Variants in CPEB4 observed in about 807,000 individuals in gnomAD.
The protein encoded by CPEB4 is cytoplasmic polyadenylation element-binding protein 4.
CPEB4 carries 12 observed loss-of-function variants against 72.5 expected under a neutral mutation model. The ratio of observed to expected loss-of-function variants is 0.17; its 90% confidence interval spans 0.11 to 0.27. The LOEUF (loss-of-function observed/expected upper bound fraction) is 0.27, where lower values mean the gene tolerates loss of function less well. Ranked by LOEUF, CPEB4 falls within the 10% of genes least tolerant of loss-of-function variation. CPEB4 has a pLI of 1.00. For synonymous variants in CPEB4, 302 were observed against 326.3 expected (o/e 0.93, Z 0.80); for missense variants, 614 against 908.5 (o/e 0.68, Z 4.17).
In CPEB4 at chr5:173,961,093, C is replaced by T. The variant is rs1259230784; in HGVS notation, c.*4956C>T. 1 of 152,110 alleles carries T rather than the reference C, an allele frequency of 6.6e-6. No homozygotes were observed. The highest frequency in any genetic ancestry group is 1.5e-5 in the Non-Finnish European group (1 of 68,020). The allele number at this position is 152,110 out of a possible 1,614,324, so 9.4% of individuals were successfully genotyped here. On this transcript the variant is annotated 3_prime_UTR_variant, in exon 10 of 10. Transcript: ENST00000265085. ...GAGAAATGGACTATGAGATCTTTTG[C>T]GTCTAAGTTGTCTTTCCCAACAGGC...
chr5:173,911,689 T>G (rs1192810348), intron 2 of CPEB4, among the ~76,000 whole-genome samples: 9 of 151,232 alleles, frequency 6.0e-5, no homozygotes, highest in South Asian at 4.2e-4. Context: ...AGGTTTTTTT[T>G]TTTTTTTTTT....
Position 173,955,095 on chromosome 5 carries a change from C to T in CPEB4, c.1963-815C>T, listed in dbSNP as rs1031347054. ...TGGGTGGCACCAGTGCTGGTGACAG[C>T]CTGCTGTAAGGGAGTTTCAGCCATG... On this transcript the variant is annotated intron_variant, in intron 9 of 9. Transcript: ENST00000265085. This position sits in a 1 kb window ranked among gnomAD's most constrained non-coding sequence, Gnocchi z 4.7. Among the ~76,000 whole-genome samples, 2 of 152,178 alleles carry T rather than the reference C, an allele frequency of 1.3e-5. No individual in the cohort carries two copies. Among genetic ancestry groups the T allele is most frequent in the African/African-American group, 4.8e-5 (2 of 41,438 alleles).
In CPEB4 at chr5:173,888,535, A is replaced by AGCGGCGACG. The variant is rs1251365661; in HGVS notation, c.-1187_-1179dup. The AGCGGCGACG allele has an allele frequency of 3.5e-5, 14 of 403,836 alleles. No individual in the cohort carries two copies. The highest frequency in any genetic ancestry group is 6.1e-5 in the Non-Finnish European group (14 of 229,696). The allele number at this position is 403,836 out of a possible 1,614,324, so 25.0% of individuals were successfully genotyped here. A position where few individuals can be genotyped will look rare whatever the true frequency, so the allele number is the denominator to read the frequency against. Reference sequence around the variant, plus strand: ...AGCGGGGACTGCGGGACCAGGGTAAAGCGGCGACGGCGGCGACGGCCCAGC... The same window carrying AGCGGCGACG: ...AGCGGGGACTGCGGGACCAGGGTAAAGCGGCGACGGCGGCGACGGCGGCGACGGCCCAGC... On this transcript the variant is annotated 5_prime_UTR_variant, in exon 1 of 10. Transcript: ENST00000265085. The surrounding 1 kb of genome is among the most constrained non-coding windows in gnomAD (Gnocchi z 4.3).
intron 5 of CPEB4, among the ~76,000 whole-genome samples, chr5:173,946,704 C>T (rs769126692): frequency 6.6e-6 from 1 of 152,074 alleles, no homozygotes; most frequent in African/African-American, 2.4e-5. Context: ...GGGTTTGTAC[C>T]TGTACGTCAG....
At chr5:173,930,731 G>A (rs531707732) in intron 2 of CPEB4, among the ~76,000 whole-genome samples, 1 of 152,178 alleles carries the variant, frequency 6.6e-6, no homozygotes, top group Admixed American at 6.5e-5. Flanking sequence ...GCTCACTCCT[G>A]TAATCCTAGC....
At chr5:173,938,202 C>T (rs1757696766) in intron 3 of CPEB4, among the ~76,000 whole-genome samples, 1 of 152,016 alleles carries the variant, frequency 6.6e-6, no homozygotes, top group Non-Finnish European at 1.5e-5. Flanking sequence ...TTTTAGTCCT[C>T]CTGGAAAAGT....
intron 2 of CPEB4, among the ~76,000 whole-genome samples, chr5:173,920,696 A>G (rs1757040413): frequency 6.6e-6 from 1 of 152,214 alleles, no homozygotes; most frequent in African/African-American, 2.4e-5. Flanking sequence ...CATTACCATC[A>G]GCAATTCAGT....
chr5:173,945,232 T>C, intron 5 of CPEB4, 92 bp downstream of exon 5: 1 of 1,084,946 alleles, frequency 9.2e-7, no homozygotes, highest in South Asian at 1.5e-5. Flanking sequence ...CTTATCTGGC[T>C]CCAATAGTCA....
rs1755915891 is a variant in CPEB4 at position 173,894,143 on chromosome 5, A to G, written c.1125+3285A>G. 2.0e-5 allele frequency among the ~76,000 whole-genome samples: 3 copies of G among 151,980 alleles called. No individual in the cohort carries two copies. The South Asian group carries it at 6.2e-4, about 32-fold the overall frequency. ...CCAGTAGCTGGGACTACAGGCACATACTACTATGCCCGGCTAATTTTTGTA... is the reference window on the plus strand; with the variant it reads ...CCAGTAGCTGGGACTACAGGCACATGCTACTATGCCCGGCTAATTTTTGTA... On this transcript the variant is annotated intron_variant, in intron 1 of 9. Coordinates refer to ENST00000265085, the MANE Select transcript of CPEB4 (RefSeq NM_030627.4).
At chr5:173,914,239 C>T (rs1038675057) in intron 2 of CPEB4, among the ~76,000 whole-genome samples, 1 of 152,112 alleles carries the variant, frequency 6.6e-6, no homozygotes, top group Non-Finnish European at 1.5e-5. Context: ...GTCAAACTAT[C>T]TTCTGATTTA....
Position 173,958,448 on chromosome 5 carries a change from T to C in CPEB4, c.*2311T>C, listed in dbSNP as rs1758445209. 1 of 152,232 alleles carries C rather than the reference T, an allele frequency of 6.6e-6. No individual in the cohort carries two copies. The highest frequency in any genetic ancestry group is 1.5e-5 in the Non-Finnish European group (1 of 67,970). 9.4% of individuals were successfully genotyped at this position (152,232 alleles called of 1,614,324 possible). A position where few individuals can be genotyped will look rare whatever the true frequency, so the allele number is the denominator to read the frequency against. On this transcript the variant is annotated 3_prime_UTR_variant, in exon 10 of 10. Transcript: ENST00000265085. ...CATTTTTTAATATAAATAATTTTAA[T>C]AAATTTTATTTTCTTATATTCTGCT...
chr5:173,954,974 T>C (rs1400247845), intron 9 of CPEB4, among the ~76,000 whole-genome samples: 2 of 152,202 alleles, frequency 1.3e-5, no homozygotes, highest in African/African-American at 4.8e-5. Context: ...TCTCACTCTG[T>C]CACCCAGGCT....
intron 2 of CPEB4, among the ~76,000 whole-genome samples, chr5:173,920,144 C>A (rs1244655455): frequency 6.6e-6 from 1 of 152,204 alleles, no homozygotes; most frequent in Non-Finnish European, 1.5e-5. Flanking sequence ...CCACTGCACT[C>A]AGTTCTAAAA....
At position 173,949,561 on chromosome 5, in the gene CPEB4, C is replaced by A; in HGVS notation, c.1510C>A (p.His504Asn). Residue 504 changes from histidine (H) to asparagine (N), a missense_variant, in exon 6 of 10, where the codon CAT becomes AAT. Physicochemically the swap from His to Asn is moderately conservative, Grantham distance 68 (BLOSUM62 1). Coordinates refer to ENST00000265085, the MANE Select transcript of CPEB4 (RefSeq NM_030627.4). ...TGGCCCTCTGATTGTGGATTGGCCTCATAAAGCTGAGAGCAAATCCTATTT... is the reference window on the plus strand; with the variant it reads ...TGGCCCTCTGATTGTGGATTGGCCTAATAAAGCTGAGAGCAAATCCTATTT... ...RFGPLIVDWP[H>N]KAESKSYFPP... 6.2e-7 allele frequency: 1 copy of A among 1,613,462 alleles called. No individual in the cohort carries two copies. Among genetic ancestry groups the A allele is most frequent in the Non-Finnish European group, 8.5e-7 (1 of 1,179,562 alleles).
At chr5:173,921,054 G>C (rs1395838234) in intron 2 of CPEB4, among the ~76,000 whole-genome samples, 1 of 152,170 alleles carries the variant, frequency 6.6e-6, no homozygotes, top group Non-Finnish European at 1.5e-5. Context: ...TTAGTGACCA[G>C]GCATTCCAGT....
chr5:173,939,202 A>G (rs1757736527), intron 3 of CPEB4, among the ~76,000 whole-genome samples: 1 of 152,222 alleles, frequency 6.6e-6, no homozygotes, highest in South Asian at 2.1e-4. Flanking sequence ...TTATTTTTAA[A>G]TGTACACAAT....
intron 2 of CPEB4, among the ~76,000 whole-genome samples, chr5:173,929,629 G>T (rs1254609740): frequency 1.3e-5 from 2 of 152,092 alleles, no homozygotes; most frequent in Admixed American, 6.6e-5. Flanking sequence ...AAGCCTGGGA[G>T]GTCGAGGCTG....
At chr5:173,953,382 T>C in intron 9 of CPEB4, 110 bp downstream of exon 9, 1 of 807,348 alleles carries the variant, frequency 1.2e-6, no homozygotes. Flanking sequence ...GCTGACAATT[T>C]TGCCTATAGA....
chr5:173,911,726 A>G (rs183873856), intron 2 of CPEB4, among the ~76,000 whole-genome samples: 2 of 108,640 alleles, frequency 1.8e-5, no homozygotes, highest in Non-Finnish European at 3.6e-5. Flanking sequence ...AATGTTTGGT[A>G]TATTTGGTCA....
Sources: gnomAD v4.1 joint callset for allele counts (sites outside exome capture counted in the v4.1 genomes callset) on GRCh38, gnomAD v4.1.1 for gene constraint, Gnocchi (gnomAD v3.1) non-coding constraint, MANE v1.5 for transcripts, NCBI Gene and HGNC (gene_info 2026-07-23, HGNC 2026-07-21) for gene names.